The following TMEM120A variants were observed in gnomAD, a reference collection of about 807,000 sequenced individuals.
TMEM120A encodes transmembrane protein 120A, also known as ion channel TACAN.
Under a neutral mutation model 54.3 loss-of-function variants are expected in TMEM120A, and 45 were observed. That is an observed-to-expected ratio of 0.83 (90% CI 0.65 to 1.06). TMEM120A has a LOEUF of 1.06. TMEM120A is among the 50% of genes least tolerant of loss of function. The probability of loss-of-function intolerance (pLI) is 0.00; values close to 1 mark genes in which losing one functional copy is unlikely to be tolerated. For missense variants in TMEM120A, 424 were observed against 441.7 expected (o/e 0.96, Z 0.36); for synonymous variants, 204 against 178.5 (o/e 1.14, Z -1.14).
In TMEM120A at chr7:75,988,341, C is replaced by T. The variant is rs1554560713; in HGVS notation, c.474G>A (p.Arg158=). The T allele has an allele frequency of 1.2e-6, 2 of 1,611,806 alleles. No homozygotes were observed. Among genetic ancestry groups the T allele is most frequent in the East Asian group, 2.2e-5 (1 of 44,726 alleles). Residue 158 remains arginine (R), a splice_region_variant and synonymous_variant, in exon 6 of 12, where the codon AGG becomes AGA. Coordinates refer to ENST00000493111, the MANE Select transcript of TMEM120A (RefSeq NM_031925.3). ...GGAAGTTGAAGGCAGCATCTGTCACCCTGCGGAGGGAGGGGACCGAGGGTT... is the reference window on the plus strand; with the variant it reads ...GGAAGTTGAAGGCAGCATCTGTCACTCTGCGGAGGGAGGGGACCGAGGGTT... ...SFTCRFLLNS[R]VTDAAFNFLL... is the part of the protein sequence containing the mutation.
chr7:75,992,474 C>A lies in TMEM120A; in HGVS notation c.165G>T (p.Lys55Asn). 1.3e-6 allele frequency: 2 copies of A among 1,597,990 alleles called. No individual in the cohort carries two copies. Among genetic ancestry groups the A allele is most frequent in the South Asian group, 2.2e-5 (2 of 88,984 alleles). ...CGAGGGCCAGCTCCTGGAGCCGCTTCTTCTGCCGCGTGATGGAGCTGGTGC... is the reference window on the plus strand; with the variant it reads ...CGAGGGCCAGCTCCTGGAGCCGCTTATTCTGCCGCGTGATGGAGCTGGTGC... ...NNCTSSITRQ[K>N]KRLQELALAL... The change falls in exon 2 of 12, where the codon AAG becomes AAT. Residue 55 changes from lysine to asparagine, a missense_variant. Transcript: ENST00000493111.
In TMEM120A at chr7:75,987,408, C is replaced by T. The variant is rs373924990; in HGVS notation, c.870G>A (p.Ala290=). 80 of 1,563,826 alleles carry T rather than the reference C, an allele frequency of 5.1e-5. No individual in the cohort carries two copies. Among genetic ancestry groups the T allele is most frequent in the East Asian group, 4.1e-4 (17 of 41,966 alleles). The part of the protein sequence containing the change: ...FFGHFWQLFN[A]LTLFNLAQDP... ...CCTGGGCCAGGTTGAACAACGTCAG[C>T]GCGTTAAAAAGCTGCCAGAACTAAG... is the stretch of plus-strand genomic sequence containing the variant. The change falls in exon 11 of 12, where the codon GCG becomes GCA. Residue 290 remains alanine, a synonymous_variant. Coordinates refer to ENST00000493111, the MANE Select transcript of TMEM120A (RefSeq NM_031925.3).
chr7:75,992,092 G>A (rs930484476), intron 3 of TMEM120A, 52 bp downstream of exon 3: 96 of 1,336,002 alleles, frequency 7.2e-5, no homozygotes, highest in Admixed American at 8.4e-5. Flanking sequence ...GGCAGCACCC[G>A]GCTTCAGGAG....
chr7:75,990,971 G>A (rs1286161983), intron 3 of TMEM120A, among the ~76,000 whole-genome samples: 3 of 147,764 alleles, frequency 2.0e-5, no homozygotes, highest in African/African-American at 5.0e-5. Context: ...TCATCCCCAA[G>A]ATCGACATCC....
intron 3 of TMEM120A, 99 bp downstream of exon 3, chr7:75,992,044 GC>G: frequency 1.2e-6 from 1 of 826,822 alleles, no homozygotes; most frequent in Non-Finnish European, 2.0e-6. Context: ...CCTGTACTGG[GC>G]CCAGGGAACA....
At chr7:75,989,097 G>C (rs1441506144) in intron 4 of TMEM120A, 68 bp downstream of exon 4, 2 of 462,638 alleles carry the variant, frequency 4.3e-6, no homozygotes, top group Non-Finnish European at 7.7e-6. Context: ...GAGGTTGAGG[G>C]GGGGAGGGGG....
intron 1 of TMEM120A, among the ~76,000 whole-genome samples, chr7:75,993,211 C>T (rs1486586453): frequency 3.9e-5 from 6 of 152,216 alleles, no homozygotes; most frequent in African/African-American, 1.4e-4. Context: ...CCTCCTGGAC[C>T]AAGCAGGCAG....
chr7:75,987,394 T>A lies in TMEM120A; in HGVS notation c.884A>T (p.Asn295Ile), dbSNP rs782774696. Residue 295 changes from asparagine to isoleucine, a missense_variant, in exon 11 of 12, where the codon AAC (asparagine) becomes ATC (isoleucine). Asn to Ile is a moderately radical substitution (Grantham distance 149, BLOSUM62 -3). Coordinates refer to ENST00000493111, the MANE Select transcript of TMEM120A (RefSeq NM_031925.3). ...WQLFNALTLF[N>I]LAQDPQCKEW... is the part of the protein sequence containing the mutation. ...CTTGCACTGAGGGTCCTGGGCCAGG[T>A]TGAACAACGTCAGCGCGTTAAAAAG... 1 of 1,565,574 alleles carries A rather than the reference T, an allele frequency of 6.4e-7. No homozygotes were observed. Among genetic ancestry groups the A allele is most frequent in the Non-Finnish European group, 8.7e-7 (1 of 1,155,702 alleles).
chr7:75,987,471 G>A, intron 10 of TMEM120A, 43 bp from the exon 11 acceptor site: 3 of 1,559,242 alleles, frequency 1.9e-6, no homozygotes, highest in Non-Finnish European at 1.7e-6. Context: ...CCCAGTCCCT[G>A]CTGGAGCCCG....
At chr7:75,989,877 C>T (rs1326529867) in intron 3 of TMEM120A, among the ~76,000 whole-genome samples, 7 of 152,060 alleles carry the variant, frequency 4.6e-5, no homozygotes, top group Non-Finnish European at 8.8e-5. Context: ...CCTTCATGTC[C>T]AGCCTCCACA....
rs782220788 is a variant in TMEM120A, at chr7:75,987,746, G to A, written c.756C>T (p.Gly252=). The A allele has an allele frequency of 1.2e-5, 19 of 1,612,316 alleles. No individual in the cohort carries two copies. In the Admixed American group the frequency reaches 1.7e-4, roughly 14 times the overall value. Reference sequence around the variant, plus strand: ...CAGTGAGGTCCATGGTGTGCCGCTCGCCCAGCGCCCGCAGGCGGTAGAGGC... The same window carrying A: ...CAGTGAGGTCCATGGTGTGCCGCTCACCCAGCGCCCGCAGGCGGTAGAGGC... ...SGCLYRLRAL[G]ERHTMDLTVE... The change falls in exon 9 of 12, where the codon GGC becomes GGT. Residue 252 remains glycine (G), a synonymous_variant. Transcript: ENST00000493111.
At chr7:75,989,303 A>T in intron 3 of TMEM120A, 79 bp from the exon 4 acceptor site, 2 of 969,878 alleles carry the variant, frequency 2.1e-6, no homozygotes, top group Non-Finnish European at 3.2e-6. Context: ...CTGCCAGGCC[A>T]GAGCCTGGGC....
chr7:75,988,076 C>T lies in TMEM120A; in HGVS notation c.629+7G>A. 1 of 1,606,130 alleles carries T rather than the reference C, an allele frequency of 6.2e-7. No individual in the cohort carries two copies. The highest frequency in any genetic ancestry group is 8.5e-7 in the Non-Finnish European group (1 of 1,176,916). On this transcript the variant is annotated splice_region_variant and intron_variant, in intron 7 of 11. Coordinates refer to ENST00000493111, the MANE Select transcript of TMEM120A (RefSeq NM_031925.3). ...GCTCCTGCCCCTGCCGGGGCCCAGCCACTCACCACGTCAGCATGACTCCCG... is the reference window on the plus strand; with the variant it reads ...GCTCCTGCCCCTGCCGGGGCCCAGCTACTCACCACGTCAGCATGACTCCCG...
At chr7:75,989,052 G>T in intron 4 of TMEM120A, 113 bp downstream of exon 4, 1 of 345,898 alleles carries the variant, frequency 2.9e-6, no homozygotes, top group Non-Finnish European at 5.5e-6. Context: ...TGGAGGGGAA[G>T]GCCGGGTTCC....
At position 75,992,560 on chromosome 7, in the gene TMEM120A, G is replaced by T; in HGVS notation, c.82-3C>A. On this transcript the variant is annotated splice_polypyrimidine_tract_variant and splice_region_variant and intron_variant, in intron 1 of 11. Transcript: ENST00000493111. The stretch of plus-strand genomic sequence containing the variant: ...AGGCGGTAGAGCCGATGGGTCTCCT[G>T]GGGGCCGGAGGGGAGAGGCTCAGGC... 6.4e-7 allele frequency: 1 copy of T among 1,559,664 alleles called. No homozygotes were observed. The highest frequency in any genetic ancestry group is 2.4e-5 in the East Asian group (1 of 42,232).
chr7:75,987,574 G>A lies in TMEM120A; in HGVS notation c.813C>T (p.Gly271=). The A allele has an allele frequency of 6.3e-7, 1 of 1,596,032 alleles. No homozygotes were observed. The highest frequency in any genetic ancestry group is 8.5e-7 in the Non-Finnish European group (1 of 1,171,810). The stretch of plus-strand genomic sequence containing the variant: ...AAAGAAAAGGCAGCAGGAAGGTGAG[G>A]CCCCGCCACATCCAGGACTGGAAGC... ...VEGFQSWMWR[G]LTFLLPFLFF... Residue 271 remains glycine, a synonymous_variant, in exon 10 of 12, where the codon GGC becomes GGT. Transcript: ENST00000493111.
At chr7:75,990,190 G>C (rs1286269872) in intron 3 of TMEM120A, among the ~76,000 whole-genome samples, 1 of 152,106 alleles carries the variant, frequency 6.6e-6, no homozygotes, top group Non-Finnish European at 1.5e-5. Flanking sequence ...TCGCCATCTG[G>C]TTCCCAGCAC....
At chr7:75,987,673 G>A (rs1274516515) in intron 9 of TMEM120A, 45 bp downstream of exon 9, 4 of 1,607,614 alleles carry the variant, frequency 2.5e-6, no homozygotes, top group African/African-American at 2.7e-5. Context: ...ACCCGGGATG[G>A]GAGGAAAGGG....
Position 75,988,480 on chromosome 7 carries a change from G to A in TMEM120A, c.414C>T (p.Leu138=), listed in dbSNP as rs114564646. The A allele has an allele frequency of 3.8e-5, 61 of 1,609,926 alleles. No individual in the cohort carries two copies. In the African/African-American group the frequency reaches 7.0e-4, roughly 19 times the overall value. Reference sequence around the variant, plus strand: ...TGAGGATGAGGATGATGGTGAGGTAGAGCTTGAACTTCTCATACTCGTCCT... The same window carrying A: ...TGAGGATGAGGATGATGGTGAGGTAAAGCTTGAACTTCTCATACTCGTCCT... ...AYKDEYEKFK[L]YLTIILILIS... The change falls in exon 5 of 12, where the codon CTC becomes CTT. Residue 138 remains leucine (L), a synonymous_variant. Transcript: ENST00000493111.
Sources: gnomAD v4.1 joint callset for allele counts (sites outside exome capture counted in the v4.1 genomes callset) on GRCh38, gnomAD v4.1.1 for gene constraint, MANE v1.5 for transcripts, NCBI Gene and HGNC (gene_info 2026-07-23, HGNC 2026-07-21) for gene names.